IQGAP2: variants seen among roughly 807,000 people sequenced by gnomAD.
IQGAP2 encodes the protein ras GTPase-activating-like protein IQGAP2.
A neutral mutation model predicts 201.3 loss-of-function variants in IQGAP2; 173 were observed. That is an observed-to-expected ratio of 0.86 (90% CI 0.76 to 0.98). The LOEUF is 0.98. IQGAP2 is among the 50% of genes least tolerant of loss of function. IQGAP2 has a pLI of 0.00. For missense variants in IQGAP2, 1,687 were observed against 1,864.8 expected (o/e 0.90, Z 1.76); for synonymous variants, 675 against 673.9 (o/e 1.00, Z -0.03).
At chr5:76,544,128 C>G (rs770349157) in intron 2 of IQGAP2, among the ~76,000 whole-genome samples, 4 of 152,174 alleles carry the variant, frequency 2.6e-5, no homozygotes, top group African/African-American at 9.7e-5. Context: ...GCCTGTTCCT[C>G]TCATCATCTT....
At chr5:76,507,021 A>G (rs1277097251) in intron 2 of IQGAP2, among the ~76,000 whole-genome samples, 1 of 152,238 alleles carries the variant, frequency 6.6e-6, no homozygotes, top group Non-Finnish European at 1.5e-5. Flanking sequence ...CTGACTCTAA[A>G]GTTTATAGAT....
chr5:76,644,808 A>G (rs1278900443), intron 17 of IQGAP2, among the ~76,000 whole-genome samples: 1 of 152,202 alleles, frequency 6.6e-6, no homozygotes, highest in African/African-American at 2.4e-5. Context: ...ATTTTGGCAA[A>G]TGAAAGATGA....
intron 30 of IQGAP2, 106 bp from the exon 31 acceptor site, chr5:76,693,249 T>C (rs892825291): frequency 1.4e-5 from 9 of 654,996 alleles, no homozygotes; most frequent in Non-Finnish European, 1.3e-5. Flanking sequence ...GGTATTATCT[T>C]TGAAGCTTCA....
intron 6 of IQGAP2, among the ~76,000 whole-genome samples, chr5:76,589,409 A>G (rs1170225647): frequency 6.6e-6 from 1 of 151,948 alleles, no homozygotes; most frequent in Admixed American, 6.6e-5. Flanking sequence ...GAGAAAACAG[A>G]CCTATCTTGT....
At chr5:76,505,366 C>T (rs993713814) in intron 2 of IQGAP2, among the ~76,000 whole-genome samples, 1 of 152,174 alleles carries the variant, frequency 6.6e-6, no homozygotes, top group Admixed American at 6.6e-5. Flanking sequence ...GAGCCAACAC[C>T]CAAGCCCAGG....
At chr5:76,430,075 A>T (rs545697405) in intron 1 of IQGAP2, among the ~76,000 whole-genome samples, 1 of 152,276 alleles carries the variant, frequency 6.6e-6, no homozygotes, top group African/African-American at 2.4e-5. Flanking sequence ...AGCTGGAAGT[A>T]ATAGGATTTG....
At position 76,665,094 on chromosome 5, in the gene IQGAP2, C is replaced by T. The variant is rs768018138; in HGVS notation, c.2598C>T (p.Thr866=). 26 of 1,604,754 alleles carry T rather than the reference C, an allele frequency of 1.6e-5. No homozygotes were observed. Among genetic ancestry groups the T allele is most frequent in the African/African-American group, 1.3e-4 (10 of 74,614 alleles). The change falls in exon 22 of 36, where the codon ACC becomes ACT. Residue 866 remains threonine (T), a synonymous_variant. Transcript: ENST00000274364. ...GAGAAATGGAAATACTGAATAACAC[C>T]GACAACCAAGGAATAAAAAGTTTGA... ...KGGEMEILNN[T]DNQGIKSLSK...
rs180862935 is a variant in IQGAP2 at position 76,706,857 on chromosome 5, A to G, written c.4615-343A>G. Among the ~76,000 whole-genome samples, 188 of 152,366 alleles carry G rather than the reference A, an allele frequency of 1.2e-3. 2 individuals carry two copies. In the East Asian group the frequency reaches 0.027, roughly 22 times the overall value. On this transcript the variant is annotated intron_variant, in intron 35 of 35. Coordinates refer to ENST00000274364, the MANE Select transcript of IQGAP2 (RefSeq NM_006633.5). ...AAAATGCAAATTGATGGGCCCCACC[A>G]GAGAGCTACATAACAAGAAATTCCT... is the stretch of plus-strand genomic sequence containing the variant.
At chr5:76,546,721 G>C (rs572425179) in intron 2 of IQGAP2, among the ~76,000 whole-genome samples, 34 of 152,270 alleles carry the variant, frequency 2.2e-4, no homozygotes, top group South Asian at 2.1e-3. Flanking sequence ...CACTGCCTTG[G>C]TCTTGCCGCT....
Position 76,499,559 on chromosome 5 carries a change from A to G in IQGAP2, c.146+37890A>G, listed in dbSNP as rs576498419. Among the ~76,000 whole-genome samples the G allele has an allele frequency of 1.4e-4, 21 of 152,242 alleles. No individual in the cohort carries two copies. In the South Asian group the frequency reaches 4.4e-3, roughly 32 times the overall value. On this transcript the variant is annotated intron_variant, in intron 2 of 35. Coordinates refer to ENST00000274364, the MANE Select transcript of IQGAP2 (RefSeq NM_006633.5). ...GTTCCTTAGATTTTAATACCTTAGC[A>G]TGTTGTCTGTGCAGTTTTTTAAAGC...
At chr5:76,548,276 G>A (rs1242870448) in intron 2 of IQGAP2, among the ~76,000 whole-genome samples, 2 of 152,198 alleles carry the variant, frequency 1.3e-5, no homozygotes, top group African/African-American at 2.4e-5. Context: ...CCAAGGTCCA[G>A]TGAACACAGC....
intron 2 of IQGAP2, among the ~76,000 whole-genome samples, chr5:76,527,532 A>G (rs1759041686): frequency 1.3e-5 from 2 of 152,220 alleles, no homozygotes; most frequent in African/African-American, 4.8e-5. Flanking sequence ...AGAAGTTGCA[A>G]TTTATAGAGA....
At position 76,550,346 on chromosome 5, in the gene IQGAP2, A is replaced by ATT. The variant is rs34933231; in HGVS notation, c.147-12033_147-12032dup. Among the ~76,000 whole-genome samples, 1,152 of 135,216 alleles carry ATT rather than the reference A, an allele frequency of 8.5e-3. 13 individuals are homozygous for ATT. Among genetic ancestry groups the ATT allele is most frequent in the African/African-American group, 0.021 (761 of 36,212 alleles). 88.7% of individuals were successfully genotyped at this position (135,216 alleles called of 152,430 possible). On this transcript the variant is annotated intron_variant, in intron 2 of 35. Coordinates refer to ENST00000274364, the MANE Select transcript of IQGAP2 (RefSeq NM_006633.5). ...CCTCCAGGCCCATTGGGCTGGCAGA[A>ATT]TTTTTTTTTTTTTTTTTTCAGTATT...
intron 2 of IQGAP2, among the ~76,000 whole-genome samples, chr5:76,468,737 C>G (rs1443279500): frequency 6.6e-6 from 1 of 152,232 alleles, no homozygotes; most frequent in Non-Finnish European, 1.5e-5. Flanking sequence ...TGCCGCACTG[C>G]TCTGTGCTTC....
intron 33 of IQGAP2, among the ~76,000 whole-genome samples, chr5:76,700,194 C>T (rs1184975810): frequency 2.6e-5 from 4 of 152,076 alleles, no homozygotes; most frequent in South Asian, 2.1e-4. Flanking sequence ...CACAGTCGGG[C>T]GAATTGGATT....
At chr5:76,552,105 C>G (rs2150237020) in intron 2 of IQGAP2, among the ~76,000 whole-genome samples, 1 of 152,310 alleles carries the variant, frequency 6.6e-6, no homozygotes, top group Middle Eastern at 3.4e-3. Flanking sequence ...ACCATTCTTC[C>G]TTTTTCTTGA....
intron 12 of IQGAP2, among the ~76,000 whole-genome samples, chr5:76,610,074 CTCTATATATATATATATA>C (rs1441734535): frequency 8.0e-3 from 35 of 4,398 alleles, no homozygotes; most frequent in African/African-American, 0.015. Flanking sequence ...CTCTCTCTCT[CTCTATATATATATATATA>C]TATATATATA....
chr5:76,416,030 A>T (rs1309903815), intron 1 of IQGAP2, among the ~76,000 whole-genome samples: 1 of 152,190 alleles, frequency 6.6e-6, no homozygotes, highest in Non-Finnish European at 1.5e-5. Flanking sequence ...CATGGGGGAA[A>T]TAAAGGTTGT....
intron 15 of IQGAP2, 103 bp downstream of exon 15, chr5:76,632,129 A>G (rs3797412): frequency 0.29 from 289,548 of 991,388 alleles, 43,647 homozygotes; most frequent in East Asian, 0.39. Context: ...TCAAATTAAC[A>G]TTTCTGTAAT....
Sources: allele counts gnomAD v4.1 joint callset (sites outside exome capture counted in the v4.1 genomes callset), GRCh38; gene constraint gnomAD v4.1.1; transcripts MANE v1.5; gene names NCBI Gene and HGNC (gene_info 2026-07-23, HGNC 2026-07-21).